Variants in BDP1 observed in about 807,000 individuals in gnomAD.
The protein encoded by BDP1 is BDP1 general transcription factor IIIB subunit.
BDP1 carries 169 observed loss-of-function variants against 266.6 expected under a neutral mutation model. The ratio of observed to expected loss-of-function variants is 0.63; its 90% CI spans 0.56 to 0.72. The LOEUF (loss-of-function observed/expected upper bound fraction) is 0.72, where lower values mean the gene tolerates loss of function less well. BDP1 is among the 30% of genes least tolerant of loss of function. The pLI is 0.00. For missense variants in BDP1, 3,015 were observed against 3,053.8 expected (o/e 0.99, Z 0.30); for synonymous variants, 1,090 against 1,022.4 (o/e 1.07, Z -1.26).
At chr5:71,555,170 T>G (rs1419380377) in intron 35 of BDP1, among the ~76,000 whole-genome samples, 1 of 152,218 alleles carries the variant, frequency 6.6e-6, no homozygotes, top group East Asian at 1.9e-4. Flanking sequence ...GACTTAAATT[T>G]CCTAGTTAAT....
chr5:71,498,228 G>T (rs1580074627), intron 13 of BDP1, among the ~76,000 whole-genome samples: 1 of 152,174 alleles, frequency 6.6e-6, no homozygotes, highest in Admixed American at 6.5e-5. Flanking sequence ...GGGATTACAG[G>T]CGTGAGCCAC....
chr5:71,515,247 T>C, intron 20 of BDP1, 125 bp downstream of exon 20: 1 of 756,990 alleles, frequency 1.3e-6, no homozygotes, highest in Middle Eastern at 3.9e-4. Context: ...TTTAATTTTA[T>C]TGATACAGCA....
Position 71,516,135 on chromosome 5 carries a change from G to A in BDP1, c.4724G>A (p.Arg1575Gln), listed in dbSNP as rs748404037. ...CAAACTGCTCGACAAGTAAGGGGCC[G>A]ACTTCAGAGACCGAGACCAAATATA... ...VIQTARQVRG[R>Q]LQRPRPNIRK... is the part of the protein sequence containing the mutation. The change falls in exon 21 of 39, where the codon CGA (arginine) becomes CAA (glutamine). Residue 1575 changes from arginine to glutamine, a missense_variant. Physicochemically the swap from Arg to Gln is conservative, Grantham distance 43. Coordinates refer to ENST00000358731, the MANE Select transcript of BDP1 (RefSeq NM_018429.3). 1.9e-5 allele frequency: 31 copies of A among 1,612,756 alleles called. No individual in the cohort carries two copies. Among genetic ancestry groups the A allele is most frequent in the South Asian group, 1.7e-4 (15 of 90,870 alleles).
At chr5:71,562,166 C>T in intron 37 of BDP1, 108 bp from the exon 38 acceptor site, 1 of 1,183,458 alleles carries the variant, frequency 8.4e-7, no homozygotes, top group Non-Finnish European at 1.1e-6. Context: ...CCACTGCACT[C>T]CAGCCTGGGT....
intron 25 of BDP1, among the ~76,000 whole-genome samples, chr5:71,525,686 G>GT (rs1561751488): frequency 7.5e-6 from 1 of 133,562 alleles, no homozygotes; most frequent in Non-Finnish European, 1.6e-5. Context: ...CGGGCGGGGG[G>GT]CTGACCCCCC....
intron 7 of BDP1, among the ~76,000 whole-genome samples, chr5:71,475,224 C>T (rs554316927): frequency 2.0e-5 from 3 of 152,218 alleles, no homozygotes; most frequent in South Asian, 2.1e-4. Context: ...CCTCCCACCT[C>T]GGCTTCCTAG....
At chr5:71,532,073 A>T (rs557097696) in intron 25 of BDP1, among the ~76,000 whole-genome samples, 21 of 152,186 alleles carry the variant, frequency 1.4e-4, no homozygotes, top group Non-Finnish European at 2.2e-4. Context: ...AGTCTTAGAA[A>T]ATTTGCTTAC....
intron 17 of BDP1, 39 bp from the exon 18 acceptor site, chr5:71,512,200 ACT>A (rs765357033): frequency 9.5e-7 from 1 of 1,047,160 alleles, no homozygotes; most frequent in African/African-American, 1.6e-5. Flanking sequence ...ATGTTTAAAT[ACT>A]CTTTTATTTG....
Position 71,511,113 on chromosome 5 carries a change from A to T in BDP1, c.4021A>T (p.Ser1341Cys). ...QTDTHLMQSG[S>C]NDFSAVPSLD... ...TGACACACATTTAATGCAGAGCGGTAGCAATGACTTCAGTGCTGTGCCTTC... is the reference window on the plus strand; with the variant it reads ...TGACACACATTTAATGCAGAGCGGTTGCAATGACTTCAGTGCTGTGCCTTC... Residue 1341 changes from serine to cysteine, a missense_variant, in exon 17 of 39, where the codon AGC (serine) becomes TGC (cysteine). Ser to Cys is a moderately radical substitution (Grantham distance 112). Coordinates refer to ENST00000358731, the MANE Select transcript of BDP1 (RefSeq NM_018429.3). The T allele has an allele frequency of 6.2e-7, 1 of 1,614,148 alleles. No individual in the cohort carries two copies. Among genetic ancestry groups the T allele is most frequent in the East Asian group, 2.2e-5 (1 of 44,882 alleles).
At position 71,486,641 on chromosome 5, in the gene BDP1, A is replaced by G. The variant is rs1763280605; in HGVS notation, c.1213+14A>G. The G allele has an allele frequency of 6.7e-7, 1 of 1,503,546 alleles. No homozygotes were observed. The allele number at this position is 1,503,546 out of a possible 1,614,324, so 93.1% of individuals were successfully genotyped here. On this transcript the variant is annotated intron_variant, in intron 9 of 38. Coordinates refer to ENST00000358731, the MANE Select transcript of BDP1 (RefSeq NM_018429.3). ...AAAATGTAAAAGGTATTGATTTTAA[A>G]AGGAAGTGTGATAGTTTACTTAGTA...
At position 71,491,039 on chromosome 5, in the gene BDP1, G is replaced by T. The variant is rs1561701672; in HGVS notation, c.1548G>T (p.Gln516His). Residue 516 changes from glutamine to histidine, a missense_variant, in exon 11 of 39, where the codon CAG (glutamine) becomes CAT (histidine). Transcript: ENST00000358731. ...ELKEGECSKE[Q>H]MLSCTQNIDG... ...AGGAAGGTGAATGCAGTAAGGAGCAGATGCTTTCCTGCACACAAAACATAG... is the reference window on the plus strand; with the variant it reads ...AGGAAGGTGAATGCAGTAAGGAGCATATGCTTTCCTGCACACAAAACATAG... The T allele has an allele frequency of 1.9e-6, 3 of 1,613,994 alleles. No individual in the cohort carries two copies. Among genetic ancestry groups the T allele is most frequent in the Non-Finnish European group, 2.5e-6 (3 of 1,179,890 alleles).
At chr5:71,456,188 C>T (rs149664062) in intron 1 of BDP1, 99 bp downstream of exon 1, 4 of 1,168,148 alleles carry the variant, frequency 3.4e-6, no homozygotes, top group African/African-American at 1.5e-5. Context: ...AGTCCGCTCT[C>T]GTTTGCAGTA....
chr5:71,461,956 C>CTAT, intron 3 of BDP1, 30 bp downstream of exon 3: 6 of 725,322 alleles, frequency 8.3e-6, no homozygotes, highest in Non-Finnish European at 1.4e-5. Flanking sequence ...GCTTTACTAT[C>CTAT]TCTTTTTTTT....
At chr5:71,461,958 C>A in intron 3 of BDP1, 32 bp downstream of exon 3, 22 of 443,292 alleles carry the variant, frequency 5.0e-5, no homozygotes, top group Non-Finnish European at 7.2e-5. Flanking sequence ...TTTACTATCT[C>A]TTTTTTTTTT....
chr5:71,488,011 A>G (rs1450244338), intron 9 of BDP1, among the ~76,000 whole-genome samples: 1 of 152,252 alleles, frequency 6.6e-6, no homozygotes, highest in Non-Finnish European at 1.5e-5. Context: ...GATAACTACA[A>G]AATACCTTTA....
intron 5 of BDP1, 136 bp from the exon 6 acceptor site, chr5:71,467,218 C>T: frequency 4.4e-6 from 3 of 679,066 alleles, no homozygotes; most frequent in Non-Finnish European, 7.3e-6. Context: ...TGGAAAATAC[C>T]CATATTTCAC....
intron 25 of BDP1, among the ~76,000 whole-genome samples, chr5:71,528,052 C>T (rs1766021414): frequency 6.6e-6 from 1 of 152,064 alleles, no homozygotes; most frequent in African/African-American, 2.4e-5. Flanking sequence ...AACTCCTGAC[C>T]TCAAATGATC....
rs141692425 is a variant in BDP1, at chr5:71,496,875, G to C, written c.1800-395G>C. ...TGGGATTATAGGCGTGAGCCACTGCGCCCGGCCTTCCCATCATCATTTAAT... is the reference window on the plus strand; with the variant it reads ...TGGGATTATAGGCGTGAGCCACTGCCCCCGGCCTTCCCATCATCATTTAAT... On this transcript the variant is annotated intron_variant, in intron 12 of 38. Coordinates refer to ENST00000358731, the MANE Select transcript of BDP1 (RefSeq NM_018429.3). Among the ~76,000 whole-genome samples the C allele has an allele frequency of 8.4e-3, 1,279 of 152,310 alleles. 18 individuals are homozygous for C. The highest frequency in any genetic ancestry group is 0.029 in the African/African-American group (1,221 of 41,574).
downstream of BDP1, among the ~76,000 whole-genome samples, chr5:71,572,580 G>T (rs468633): frequency 6.6e-6 from 1 of 151,974 alleles, no homozygotes; most frequent in Non-Finnish European, 1.5e-5. Context: ...AGGGTAACAT[G>T]GAGCAGAATT....
Sources: gnomAD v4.1 joint callset for allele counts (sites outside exome capture counted in the v4.1 genomes callset) on GRCh38, gnomAD v4.1.1 for gene constraint, MANE v1.5 for transcripts, NCBI Gene and HGNC (gene_info 2026-07-23, HGNC 2026-07-21) for gene names.